Variants in LRRC37A2 observed in about 807,000 individuals in gnomAD.
LRRC37A2 encodes the protein leucine rich repeat containing 37 member A2, also known as leucine-rich repeat-containing protein 37A2.
In LRRC37A2, 9 loss-of-function variants were observed where a neutral mutation model predicts 68.8. That is an observed-to-expected ratio of 0.13 (90% confidence interval 0.08 to 0.23). LRRC37A2 has a LOEUF of 0.23. Among genes scored for constraint, LRRC37A2 ranks in the 10% least tolerant of loss-of-function variants. The pLI is 1.00. For synonymous variants in LRRC37A2, 63 were observed against 367.6 expected, an observed-to-expected ratio of 0.17 and a Z score of 9.48; for missense variants, 168 against 950.4, an observed-to-expected ratio of 0.18 and a Z score of 10.82.
chr17:46,990,316 G>A, the LRRC37A2 span, among the ~76,000 whole-genome samples: 2 of 152,216 alleles, frequency 1.3e-5, no homozygotes, highest in Non-Finnish European at 2.9e-5. Context: ...TATGGCTTCA[G>A]CTACCTCAAG....
the LRRC37A2 span, among the ~76,000 whole-genome samples, chr17:46,977,773 T>C: frequency 2.0e-5 from 3 of 152,374 alleles, no homozygotes; most frequent in African/African-American, 4.8e-5. Context: ...TTTGGCCTTA[T>C]AATTAAACTT....
the LRRC37A2 span, among the ~76,000 whole-genome samples, chr17:46,976,310 A>C: frequency 6.6e-6 from 1 of 151,104 alleles, no homozygotes; most frequent in African/African-American, 2.4e-5. Context: ...AGGCGGGTGG[A>C]TCACCTGAGG....
At chr17:46,865,565 G>A in the LRRC37A2 span, among the ~76,000 whole-genome samples, 24 of 152,248 alleles carry the variant, frequency 1.6e-4, no homozygotes, top group Admixed American at 7.2e-4. Flanking sequence ...CAGGAGGAAC[G>A]AGTGGTTTTG....
chr17:46,839,158 G>A, the LRRC37A2 span, among the ~76,000 whole-genome samples: 264 of 152,306 alleles, frequency 1.7e-3, 1 homozygote, highest in African/African-American at 5.8e-3. Context: ...GATTACAGGC[G>A]TGAGCCACCG....
At chr17:46,846,086 C>T in the LRRC37A2 span, among the ~76,000 whole-genome samples, 5 of 152,124 alleles carry the variant, frequency 3.3e-5, no homozygotes, top group Non-Finnish European at 5.9e-5. Flanking sequence ...CCACCGTGCC[C>T]GGCCATGTTA....
chr17:46,379,866 GTTTTTTTTTTTTTTTTTTTT>G, the LRRC37A2 span, among the ~76,000 whole-genome samples: 2 of 47,810 alleles, frequency 4.2e-5, no homozygotes, highest in Non-Finnish European at 9.9e-5. Context: ...TTGCAATACT[GTTTTTTTTTTTTTTTTTTTT>G]TTTTTTTTTG....
the LRRC37A2 span, among the ~76,000 whole-genome samples, chr17:46,458,729 T>C: frequency 9.4e-6 from 1 of 106,948 alleles, no homozygotes; most frequent in Non-Finnish European, 2.1e-5. Flanking sequence ...TTACTAGAGA[T>C]GGAGTTTCTC....
chr17:46,815,566 T>C, the LRRC37A2 span, among the ~76,000 whole-genome samples: 1 of 148,812 alleles, frequency 6.7e-6, no homozygotes, highest in Admixed American at 6.7e-5. Context: ...GGTTGGGGAG[T>C]GGGGGCAGAA....
chr17:46,883,168 G>A, the LRRC37A2 span, among the ~76,000 whole-genome samples: 1 of 152,020 alleles, frequency 6.6e-6, no homozygotes, highest in African/African-American at 2.4e-5. Flanking sequence ...ATTTTTAGTA[G>A]AGACGGGGTT....
the LRRC37A2 span, among the ~76,000 whole-genome samples, chr17:46,889,528 C>T: frequency 6.6e-6 from 1 of 152,212 alleles, no homozygotes; most frequent in African/African-American, 2.4e-5. Context: ...CCCCAGTTGG[C>T]TAAATGGACC....
the LRRC37A2 span, among the ~76,000 whole-genome samples, chr17:46,807,564 C>A: frequency 6.6e-6 from 1 of 152,212 alleles, no homozygotes; most frequent in Non-Finnish European, 1.5e-5. Context: ...TCAGGACCAA[C>A]TCCCTCCCAG....
At chr17:46,763,417 C>T in the LRRC37A2 span, 1 of 152,162 alleles carries the variant, frequency 6.6e-6, no homozygotes, top group Non-Finnish European at 1.5e-5. Flanking sequence ...TCCTTGGGAA[C>T]TGCATGGATG....
the LRRC37A2 span, chr17:46,941,960 A>G: frequency 1.0e-4 from 100 of 985,194 alleles, 2 homozygotes; most frequent in East Asian, 0.01. Context: ...AAAGATGATC[A>G]CATTGGTGTA....
the LRRC37A2 span, among the ~76,000 whole-genome samples, chr17:46,947,397 C>T: frequency 0.033 from 5,081 of 152,250 alleles, 164 homozygotes; most frequent in African/African-American, 0.082. Context: ...ACCAACCAGG[C>T]GGAGGCAGGG....
At chr17:46,831,762 C>T in the LRRC37A2 span, among the ~76,000 whole-genome samples, 2 of 152,256 alleles carry the variant, frequency 1.3e-5, no homozygotes, top group Non-Finnish European at 2.9e-5. Context: ...TTTCTCCTGA[C>T]TGGCTGTGTG....
chr17:46,837,231 G>A, the LRRC37A2 span, among the ~76,000 whole-genome samples: 4 of 152,270 alleles, frequency 2.6e-5, no homozygotes, highest in Non-Finnish European at 4.4e-5. Context: ...GTGAGCCACC[G>A]TGCCTGGCTG....
chr17:46,768,183 G>T, the LRRC37A2 span: 2 of 1,332,254 alleles, frequency 1.5e-6, no homozygotes, highest in Non-Finnish European at 2.1e-6. This position sits in a 1 kb window ranked among gnomAD's most constrained non-coding sequence, Gnocchi z 5.0. Flanking sequence ...TTCCTATTTT[G>T]GCTGTGGGAA....
the LRRC37A2 span, among the ~76,000 whole-genome samples, chr17:46,866,073 T>C: frequency 6.6e-6 from 1 of 152,078 alleles, no homozygotes; most frequent in Non-Finnish European, 1.5e-5. Context: ...CAGGACGTCA[T>C]GGAGGAGGTG....
At chr17:46,961,809 A>G in the LRRC37A2 span, among the ~76,000 whole-genome samples, 3 of 152,134 alleles carry the variant, frequency 2.0e-5, no homozygotes, top group Non-Finnish European at 4.4e-5. Flanking sequence ...CAAAATGTAC[A>G]CCCTTTATCT....
Sources: gnomAD v4.1 joint callset for allele counts (sites outside exome capture counted in the v4.1 genomes callset) on GRCh38, gnomAD v4.1.1 for gene constraint, Gnocchi (gnomAD v3.1) non-coding constraint, MANE v1.5 for transcripts, NCBI Gene and HGNC (gene_info 2026-07-23, HGNC 2026-07-21) for gene names.